Variants in EML2 observed in about 807,000 individuals in gnomAD.
EML2 encodes the protein echinoderm microtubule-associated protein-like 2.
Under a neutral mutation model 84.7 loss-of-function variants are expected in EML2, and 59 were observed. That is an observed-to-expected ratio of 0.70 (90% confidence interval 0.56 to 0.86). The LOEUF (loss-of-function observed/expected upper bound fraction) is 0.86, where lower values mean the gene tolerates loss of function less well. Ranked by LOEUF, EML2 falls within the 40% of genes least tolerant of loss-of-function variation. EML2 has a pLI of 0.00. For synonymous variants in EML2, 352 were observed against 348.9 expected, an observed-to-expected ratio of 1.01 and a Z score of -0.10; for missense variants, 818 against 855.6, an observed-to-expected ratio of 0.96 and a Z score of 0.55.
At chr19:45,642,103 C>G (rs1043823698), upstream of EML2, 1 of 1,464,422 alleles carries the variant, frequency 6.8e-7, no homozygotes, top group Non-Finnish European at 9.0e-7. Flanking sequence ...CCGGTCCTCC[C>G]CATCCCACCC....
intron 13 of EML2, 87 bp downstream of exon 13, chr19:45,617,542 TG>T: frequency 8.3e-7 from 1 of 1,211,058 alleles, no homozygotes; most frequent in Non-Finnish European, 1.2e-6. Flanking sequence ...CGGTAAATAG[TG>T]GGATTTGGGA....
intron 18 of EML2, among the ~76,000 whole-genome samples, chr19:45,610,265 C>G (rs530371636): frequency 6.6e-6 from 1 of 152,016 alleles, no homozygotes. Flanking sequence ...GGTGTGGTGG[C>G]GCATGCCCGT....
In EML2 at chr19:45,639,394, C is replaced by A. The variant is rs1169705262; in HGVS notation, c.-18G>T. 14 of 1,258,258 alleles carry A rather than the reference C, an allele frequency of 1.1e-5. No homozygotes were observed. The highest frequency in any genetic ancestry group is 1.3e-5 in the Non-Finnish European group (13 of 994,326). The allele number at this position is 1,258,258 out of a possible 1,614,324, so 77.9% of individuals were successfully genotyped here. Reference sequence around the variant, plus strand: ...CTACTCATGGCGGCGGGTGGCGGAGCTTCGGGGCCGGGGGTGGAGCCGGGA... The same window carrying A: ...CTACTCATGGCGGCGGGTGGCGGAGATTCGGGGCCGGGGGTGGAGCCGGGA... On this transcript the variant is annotated 5_prime_UTR_variant, in exon 1 of 19. Coordinates refer to ENST00000245925, the MANE Select transcript of EML2 (RefSeq NM_012155.4).
At chr19:45,612,466 C>G (rs1970594031) in intron 18 of EML2, among the ~76,000 whole-genome samples, 1 of 152,110 alleles carries the variant, frequency 6.6e-6, no homozygotes, top group Non-Finnish European at 1.5e-5. Context: ...TTGCTCAAGC[C>G]CAGGAGATCA....
chr19:45,632,192 CTT>C (rs59501832), intron 6 of EML2, among the ~76,000 whole-genome samples: 37 of 132,742 alleles, frequency 2.8e-4, no homozygotes, highest in Admixed American at 4.6e-4. Flanking sequence ...TGCACCTGGC[CTT>C]TTTTTTTTTT....
At chr19:45,619,707 G>T (rs991396082) in intron 11 of EML2, among the ~76,000 whole-genome samples, 1 of 152,220 alleles carries the variant, frequency 6.6e-6, no homozygotes, top group Non-Finnish European at 1.5e-5. Context: ...CCTGTAAAAT[G>T]GGGCCAATTG....
At chr19:45,634,504 G>A (rs747122108) in intron 3 of EML2, 33 bp from the exon 4 acceptor site, 5 of 1,498,408 alleles carry the variant, frequency 3.3e-6, no homozygotes, top group Non-Finnish European at 4.5e-6. Flanking sequence ...TAAGGAATGT[G>A]TTTTGTTGTT....
At chr19:45,616,695 C>CTGT (rs1971120701) in intron 14 of EML2, 70 bp downstream of exon 14, 1 of 1,478,222 alleles carries the variant, frequency 6.8e-7, no homozygotes, top group Admixed American at 1.8e-5. Flanking sequence ...CTCCACCCCT[C>CTGT]CCCCTGCCAA....
At position 45,624,783 on chromosome 19, in the gene EML2, G is replaced by C. The variant is rs147256348; in HGVS notation, c.777C>G (p.Thr259=). 2.5e-6 allele frequency: 4 copies of C among 1,613,662 alleles called. No homozygotes were observed. Among genetic ancestry groups the C allele is most frequent in the Non-Finnish European group, 3.4e-6 (4 of 1,179,896 alleles). Residue 259 remains threonine (T), a synonymous_variant, in exon 9 of 19, where the codon ACC becomes ACG. Coordinates refer to ENST00000245925, the MANE Select transcript of EML2 (RefSeq NM_012155.4). ...HEKPKYVLCV[T]FLEGGDVVTG... is the part of the protein sequence containing the mutation. The stretch of plus-strand genomic sequence containing the variant: ...TGACCACGTCGCCACCTTCCAAAAA[G>C]GTCACACACAGCACATACTTCGGTT...
intron 1 of EML2, 47 bp downstream of exon 1, chr19:45,639,310 C>T (rs1426183897): frequency 1.5e-6 from 2 of 1,345,428 alleles, no homozygotes; most frequent in South Asian, 4.1e-5. Context: ...ATCTAAGCCC[C>T]GGGAGCGCGG....
chr19:45,642,016 G>A (rs1189287483), upstream of EML2: 3 of 1,443,698 alleles, frequency 2.1e-6, no homozygotes, highest in African/African-American at 2.9e-5. Context: ...GCGTCCTGGT[G>A]GGAAGGCCTT....
At chr19:45,621,777 C>G in intron 9 of EML2, 140 bp from the exon 10 acceptor site, 1 of 998,964 alleles carries the variant, frequency 1.0e-6, no homozygotes, top group Non-Finnish European at 1.4e-6. Context: ...GACGGAGTCT[C>G]TCTGTTGCCC....
chr19:45,623,882 A>G (rs1972007546), intron 9 of EML2, among the ~76,000 whole-genome samples: 1 of 152,066 alleles, frequency 6.6e-6, no homozygotes, highest in African/African-American at 2.4e-5. Context: ...ATGAGGTCTC[A>G]CTATGTTGCC....
Position 45,616,577 on chromosome 19 carries a change from G to A in EML2, c.1412-19C>T, listed in dbSNP as rs1452631626. On this transcript the variant is annotated intron_variant, in intron 14 of 18. Transcript: ENST00000245925. ...GCCCCGTCTGGGGGAGGGGGAGGGG[G>A]GCTATGAGGAGGCACCCAGGCTCCA... is the stretch of plus-strand genomic sequence containing the variant. The A allele has an allele frequency of 1.3e-6, 2 of 1,595,054 alleles. No individual in the cohort carries two copies. The highest frequency in any genetic ancestry group is 1.7e-6 in the Non-Finnish European group (2 of 1,164,750).
upstream of EML2, chr19:45,643,862 A>T (rs977909900): frequency 5.4e-6 from 6 of 1,109,640 alleles, no homozygotes; most frequent in Non-Finnish European, 7.4e-6. Context: ...CTGAGGTCAG[A>T]AGGAGTGAGC....
chr19:45,616,893 T>C (rs749046160), intron 13 of EML2, 40 bp from the exon 14 acceptor site: 1 of 1,489,594 alleles, frequency 6.7e-7, no homozygotes, highest in Admixed American at 1.7e-5. Context: ...AGGGGTGAGC[T>C]GATCTGACAG....
Position 45,638,981 on chromosome 19 carries a change from G to C in EML2, c.21-108C>G, listed in dbSNP as rs1249557166. On this transcript the variant is annotated intron_variant, in intron 1 of 18. Coordinates refer to ENST00000245925, the MANE Select transcript of EML2 (RefSeq NM_012155.4). The stretch of plus-strand genomic sequence containing the variant: ...CTCCCCGGAGGTCTCCGATGAAAAC[G>C]GGGCCGAGTAAGGGGCAGAGCGCTG... 6 of 1,354,648 alleles carry C rather than the reference G, an allele frequency of 4.4e-6. No homozygotes were observed. The South Asian group carries it at 4.7e-5, about 11-fold the overall frequency. The allele number at this position is 1,354,648 out of a possible 1,614,324, so 83.9% of individuals were successfully genotyped here.
intron 18 of EML2, among the ~76,000 whole-genome samples, chr19:45,610,624 G>A (rs1021916915): frequency 6.6e-6 from 1 of 152,042 alleles, no homozygotes; most frequent in African/African-American, 2.4e-5. Flanking sequence ...GATCACTTGA[G>A]GTCAGGAGTT....
intron 3 of EML2, among the ~76,000 whole-genome samples, chr19:45,636,418 TTTTG>T (rs774707332): frequency 6.6e-5 from 10 of 152,314 alleles, no homozygotes; most frequent in Admixed American, 3.9e-4. Context: ...GGGCTGTTTT[TTTTG>T]TTTGTTTGTT....
Sources: gnomAD v4.1 joint callset for allele counts (sites outside exome capture counted in the v4.1 genomes callset) on GRCh38, gnomAD v4.1.1 for gene constraint, MANE v1.5 for transcripts, NCBI Gene and HGNC (gene_info 2026-07-23, HGNC 2026-07-21) for gene names.